The following CDK8 variants were observed in gnomAD, a reference collection of about 807,000 sequenced individuals.
CDK8 encodes cyclin dependent kinase 8.
A neutral mutation model predicts 71.5 loss-of-function variants in CDK8; 29 were observed. The ratio of observed to expected loss-of-function variants is 0.41; its 90% CI spans 0.30 to 0.55. The LOEUF (loss-of-function observed/expected upper bound fraction) is 0.55. Among genes scored for constraint, CDK8 ranks in the 20% least tolerant of loss-of-function variants. The probability of loss-of-function intolerance (pLI) is 0.37; values close to 1 mark genes in which losing one functional copy is unlikely to be tolerated. For synonymous variants in CDK8, 161 were observed against 192.1 expected (o/e 0.84, Z 1.34); for missense variants, 288 against 572.6 (o/e 0.50, Z 5.07).
chr13:26,254,942 C>T lies in CDK8; in HGVS notation c.128+173C>T, dbSNP rs1871452480. ...GGAAGTGGTGTACGAGGGATCCAAA[C>T]CCACGAGAAATCCTGCGTGCCGCGT... On this transcript the variant is annotated intron_variant, in intron 1 of 12. Coordinates refer to ENST00000381527, the MANE Select transcript of CDK8 (RefSeq NM_001260.3). This position sits in a 1 kb window ranked among gnomAD's most constrained non-coding sequence, Gnocchi z 6.7. Among the ~76,000 whole-genome samples the T allele has an allele frequency of 6.6e-6, 1 of 152,230 alleles. No individual in the cohort carries two copies. The highest frequency in any genetic ancestry group is 1.5e-5 in the Non-Finnish European group (1 of 68,044).
intron 1 of CDK8, among the ~76,000 whole-genome samples, chr13:26,335,385 A>G (rs951158846): frequency 6.6e-6 from 1 of 152,000 alleles, no homozygotes; most frequent in African/African-American, 2.4e-5. Context: ...CTTTTTGAAA[A>G]TCTTTTTCTT....
intron 1 of CDK8, among the ~76,000 whole-genome samples, chr13:26,311,989 A>G (rs1874303146): frequency 6.6e-6 from 1 of 152,244 alleles, no homozygotes; most frequent in Admixed American, 6.5e-5. Flanking sequence ...GCTCTGTAAC[A>G]GCAAATACTT....
intron 1 of CDK8, among the ~76,000 whole-genome samples, chr13:26,333,261 T>G (rs1477238363): frequency 6.6e-6 from 1 of 152,024 alleles, no homozygotes; most frequent in African/African-American, 2.4e-5. Context: ...TACCTCAGCT[T>G]CCTGAGTAGC....
intron 4 of CDK8, among the ~76,000 whole-genome samples, chr13:26,359,936 G>A (rs59654861): frequency 2.0e-5 from 3 of 152,114 alleles, no homozygotes; most frequent in Non-Finnish European, 2.9e-5. Flanking sequence ...GGCTGGTCTC[G>A]AACTCCTGAC....
intron 1 of CDK8, among the ~76,000 whole-genome samples, chr13:26,266,009 G>A (rs1872002254): frequency 6.6e-6 from 1 of 152,112 alleles, no homozygotes; most frequent in Admixed American, 6.5e-5. Flanking sequence ...GAGGGGATGA[G>A]GAGGGAGAAA....
intron 12 of CDK8, 89 bp from the exon 13 acceptor site, chr13:26,403,867 T>C (rs1295358729): frequency 6.7e-7 from 1 of 1,503,122 alleles, no homozygotes; most frequent in Non-Finnish European, 9.0e-7. Flanking sequence ...CCTTTCTTCC[T>C]TGAAACATAA....
intron 1 of CDK8, among the ~76,000 whole-genome samples, chr13:26,268,692 A>T (rs1016438153): frequency 6.6e-6 from 1 of 152,134 alleles, no homozygotes; most frequent in African/African-American, 2.4e-5. Flanking sequence ...ATAGGTATTT[A>T]AAATTACAGT....
intron 1 of CDK8, among the ~76,000 whole-genome samples, chr13:26,309,636 A>G (rs1339903197): frequency 6.6e-6 from 1 of 151,900 alleles, no homozygotes; most frequent in Non-Finnish European, 1.5e-5. Flanking sequence ...TTCTCTCCCT[A>G]CATTCTCTCC....
intron 1 of CDK8, among the ~76,000 whole-genome samples, chr13:26,322,808 C>T (rs985386304): frequency 6.6e-6 from 1 of 152,018 alleles, no homozygotes; most frequent in Admixed American, 6.6e-5. Context: ...AAAGTCTGAT[C>T]AGGTCTTGTT....
rs769750938 is a variant in CDK8, at chr13:26,254,938, C to G, written c.128+169C>G. 3.3e-5 allele frequency among the ~76,000 whole-genome samples: 5 copies of G among 152,204 alleles called. No homozygotes were observed. Among genetic ancestry groups the G allele is most frequent in the Non-Finnish European group, 7.3e-5 (5 of 68,038 alleles). On this transcript the variant is annotated intron_variant, in intron 1 of 12. Transcript: ENST00000381527. This position sits in a 1 kb window ranked among gnomAD's most constrained non-coding sequence, Gnocchi z 6.7. ...GGGAGGAAGTGGTGTACGAGGGATC[C>G]AAACCCACGAGAAATCCTGCGTGCC...
intron 1 of CDK8, among the ~76,000 whole-genome samples, chr13:26,265,157 G>A (rs745380104): frequency 2.6e-5 from 4 of 152,182 alleles, no homozygotes; most frequent in East Asian, 1.9e-4. Context: ...AGAAATCTTC[G>A]TACTGTTTTT....
Position 26,329,483 on chromosome 13 carries a change from G to GTT in CDK8, c.129-8075_129-8074dup, listed in dbSNP as rs543441898. On this transcript the variant is annotated intron_variant, in intron 1 of 12. Coordinates refer to ENST00000381527, the MANE Select transcript of CDK8 (RefSeq NM_001260.3). ...TGCCTATTTCTGTTTTTTTTTTTTT[G>GTT]TTTTTTTTTTGTTTGTTTTGTTTTG... Among the ~76,000 whole-genome samples the GTT allele has an allele frequency of 6.0e-3, 766 of 128,430 alleles. 12 individuals carry two copies. The highest frequency in any genetic ancestry group is 0.019 in the African/African-American group (622 of 32,582). 84.3% of individuals were successfully genotyped at this position (128,430 alleles called of 152,430 possible).
intron 4 of CDK8, among the ~76,000 whole-genome samples, chr13:26,364,799 G>C (rs1019714466): frequency 6.6e-6 from 1 of 152,076 alleles, no homozygotes; most frequent in Non-Finnish European, 1.5e-5. Flanking sequence ...CTAAAAAGAG[G>C]CATTAGTAAA....
chr13:26,367,206 CAAACAAA>C (rs1432189209), intron 4 of CDK8, among the ~76,000 whole-genome samples: 2 of 151,702 alleles, frequency 1.3e-5, no homozygotes, highest in Non-Finnish European at 2.9e-5. Flanking sequence ...GAAAAACAAA[CAAACAAA>C]AAACAAAAAC....
chr13:26,361,774 T>C (rs1349187401), intron 4 of CDK8, among the ~76,000 whole-genome samples: 3 of 148,280 alleles, frequency 2.0e-5, no homozygotes, highest in African/African-American at 7.5e-5. Context: ...TTGTCTTTCT[T>C]TTCTTTTCCC....
chr13:26,295,803 T>C (rs1203140282), intron 1 of CDK8, among the ~76,000 whole-genome samples: 3 of 152,176 alleles, frequency 2.0e-5, no homozygotes, highest in African/African-American at 7.2e-5. Flanking sequence ...TCTGAGAATA[T>C]GATCAATCCA....
chr13:26,260,687 A>T (rs534360460), intron 1 of CDK8, among the ~76,000 whole-genome samples: 5 of 152,330 alleles, frequency 3.3e-5, no homozygotes, highest in African/African-American at 1.2e-4. Flanking sequence ...AGCTAGGAAA[A>T]CAGAAATAAT....
chr13:26,351,695 A>G (rs372154458), intron 3 of CDK8, among the ~76,000 whole-genome samples: 1 of 152,174 alleles, frequency 6.6e-6, no homozygotes, highest in Admixed American at 6.5e-5. Flanking sequence ...CATTAGCTTT[A>G]TCATCATCTT....
intron 8 of CDK8, among the ~76,000 whole-genome samples, chr13:26,396,626 C>T (rs1258586254): frequency 6.6e-6 from 1 of 151,992 alleles, no homozygotes; most frequent in Non-Finnish European, 1.5e-5. Context: ...GGAAGCTAGA[C>T]ATTAGTGAGA....
Sources: allele counts gnomAD v4.1 joint callset (sites outside exome capture counted in the v4.1 genomes callset), GRCh38; gene constraint gnomAD v4.1.1; non-coding constraint Gnocchi (gnomAD v3.1); transcripts MANE v1.5; gene names NCBI Gene and HGNC (gene_info 2026-07-23, HGNC 2026-07-21).